CDYL2: variants seen among roughly 807,000 people sequenced by gnomAD.
CDYL2 encodes chromodomain Y-like protein 2.
In CDYL2, 23 loss-of-function variants were observed where a neutral mutation model predicts 49.4. The ratio of observed to expected loss-of-function variants is 0.47; its 90% CI spans 0.34 to 0.66. CDYL2 has a LOEUF of 0.66. Ranked by LOEUF, CDYL2 falls within the 30% of genes least tolerant of loss-of-function variation. The pLI, the probability that CDYL2 is intolerant of heterozygous loss-of-function variation, is 0.01. For missense variants in CDYL2, 678 were observed against 656.4 expected, an observed-to-expected ratio of 1.03 and a Z score of -0.36; for synonymous variants, 360 against 268.8, an observed-to-expected ratio of 1.34 and a Z score of -3.32.
At chr16:80,742,724 G>A (rs975618061) in intron 1 of CDYL2, among the ~76,000 whole-genome samples, 2 of 151,776 alleles carry the variant, frequency 1.3e-5, no homozygotes, top group Non-Finnish European at 2.9e-5. Flanking sequence ...ATGGATGGGT[G>A]ACAGGGTAGG....
rs146512564 is a variant in CDYL2, at chr16:80,606,611, C to T, written c.1362+1481G>A. 2.2e-3 allele frequency among the ~76,000 whole-genome samples: 340 copies of T among 152,294 alleles called. 1 individual carries two copies. Among genetic ancestry groups the T allele is most frequent in the African/African-American group, 7.8e-3 (326 of 41,548 alleles). ...TCTACCTGTCTCTCCATGAAGCTAACCCCAGGGTGATCAACCACCCCTGTT... is the reference window on the plus strand; with the variant it reads ...TCTACCTGTCTCTCCATGAAGCTAATCCCAGGGTGATCAACCACCCCTGTT... On this transcript the variant is annotated intron_variant, in intron 6 of 6. Transcript: ENST00000570137.
intron 2 of CDYL2, 130 bp downstream of exon 2, chr16:80,684,398 GAGAGAGATGA>G: frequency 1.3e-6 from 1 of 775,598 alleles, no homozygotes; most frequent in Non-Finnish European, 2.1e-6. Flanking sequence ...AGCTCTAGGT[GAGAGAGATGA>G]AGGGGGAATT....
intron 1 of CDYL2, among the ~76,000 whole-genome samples, chr16:80,751,599 A>G (rs990287324): frequency 6.6e-6 from 1 of 152,230 alleles, no homozygotes; most frequent in Non-Finnish European, 1.5e-5. Context: ...CTAAGACACT[A>G]TGCACGTGTT....
At chr16:80,741,880 A>G (rs1459600962) in intron 1 of CDYL2, among the ~76,000 whole-genome samples, 1 of 152,230 alleles carries the variant, frequency 6.6e-6, no homozygotes, top group Non-Finnish European at 1.5e-5. Flanking sequence ...GGCAACGCCC[A>G]TGAAAAACCT....
At chr16:80,659,093 ATGGATG>A (rs1908933738) in intron 2 of CDYL2, among the ~76,000 whole-genome samples, 4 of 144,130 alleles carry the variant, frequency 2.8e-5, no homozygotes, top group African/African-American at 1.1e-4. Context: ...GGATGGATGG[ATGGATG>A]GACAGACGGA....
chr16:80,767,870 A>G (rs1296587454), intron 1 of CDYL2, among the ~76,000 whole-genome samples: 1 of 152,226 alleles, frequency 6.6e-6, no homozygotes, highest in Non-Finnish European at 1.5e-5. Context: ...CACCTTGTTC[A>G]CTGTGCAGTG....
At chr16:80,774,024 T>C (rs1906997047) in intron 1 of CDYL2, among the ~76,000 whole-genome samples, 1 of 152,192 alleles carries the variant, frequency 6.6e-6, no homozygotes, top group Non-Finnish European at 1.5e-5. Context: ...GGCAGCGTTC[T>C]ATAAGGTGAA....
At chr16:80,650,990 T>G (rs1908559123) in intron 2 of CDYL2, among the ~76,000 whole-genome samples, 1 of 145,372 alleles carries the variant, frequency 6.9e-6, no homozygotes. Flanking sequence ...GCGGGGGAGA[T>G]GAAGTGGTTA....
intron 2 of CDYL2, among the ~76,000 whole-genome samples, chr16:80,645,210 G>A (rs1908282068): frequency 2.0e-5 from 3 of 152,158 alleles, no homozygotes; most frequent in South Asian, 2.1e-4. Context: ...GCCACCTACA[G>A]AATGGGAGAA....
At chr16:80,798,915 A>T (rs538800467) in intron 1 of CDYL2, among the ~76,000 whole-genome samples, 9 of 152,310 alleles carry the variant, frequency 5.9e-5, no homozygotes, top group African/African-American at 2.2e-4. Context: ...GATTAGTTAT[A>T]GAAAACATGG....
chr16:80,707,714 G>C (rs1384000218), intron 1 of CDYL2, among the ~76,000 whole-genome samples: 2 of 152,150 alleles, frequency 1.3e-5, no homozygotes, highest in African/African-American at 4.8e-5. Context: ...AACAGAATCT[G>C]TGTCTGTTTG....
rs763591522 is a variant in CDYL2, at chr16:80,603,721, G to A, written c.*667C>T. On this transcript the variant is annotated 3_prime_UTR_variant, in exon 7 of 7. Coordinates refer to ENST00000570137, the MANE Select transcript of CDYL2 (RefSeq NM_152342.4). The stretch of plus-strand genomic sequence containing the variant: ...AACATTTCCCTAGTAGTTTGTTTTT[G>A]CAAAACTAGCTTTACATATAATACA... 3.3e-5 allele frequency: 5 copies of A among 152,582 alleles called. No individual in the cohort carries two copies. The highest frequency in any genetic ancestry group is 5.9e-5 in the Non-Finnish European group (4 of 68,022). 9.5% of individuals were successfully genotyped at this position (152,582 alleles called of 1,614,324 possible).
intron 2 of CDYL2, chr16:80,639,640 A>G (rs1205789039): frequency 8.8e-6 from 4 of 454,184 alleles, no homozygotes; most frequent in African/African-American, 8.0e-5. Flanking sequence ...AAATACCTTC[A>G]TAAGAACAAA....
At chr16:80,688,045 T>C (rs1422994849) in intron 1 of CDYL2, among the ~76,000 whole-genome samples, 2 of 152,154 alleles carry the variant, frequency 1.3e-5, no homozygotes, top group Non-Finnish European at 2.9e-5. Context: ...CTATGCATAG[T>C]TGGGCTACAT....
chr16:80,672,150 T>G (rs144452109), intron 2 of CDYL2, among the ~76,000 whole-genome samples: 21 of 152,282 alleles, frequency 1.4e-4, no homozygotes, highest in African/African-American at 5.1e-4. Flanking sequence ...TTGGAGCATT[T>G]CAGATTTTGG....
intron 1 of CDYL2, among the ~76,000 whole-genome samples, chr16:80,697,262 G>C (rs1204721601): frequency 6.6e-6 from 1 of 152,096 alleles, no homozygotes; most frequent in Non-Finnish European, 1.5e-5. Context: ...TTCACATATG[G>C]CTCAACATAC....
chr16:80,631,588 G>T lies in CDYL2; in HGVS notation c.834+1431C>A, dbSNP rs527786530. Among the ~76,000 whole-genome samples, 23 of 152,230 alleles carry T rather than the reference G, an allele frequency of 1.5e-4. No individual in the cohort carries two copies. In the South Asian group the frequency reaches 4.8e-3, roughly 32 times the overall value. ...AATTTAAAAATTTGTTTGTCATAGGGCACTATCAAAAAAGTAAAACATCAA... is the reference window on the plus strand; with the variant it reads ...AATTTAAAAATTTGTTTGTCATAGGTCACTATCAAAAAAGTAAAACATCAA... On this transcript the variant is annotated intron_variant, in intron 3 of 6. Coordinates refer to ENST00000570137, the MANE Select transcript of CDYL2 (RefSeq NM_152342.4).
chr16:80,790,461 C>T (rs1420501833), intron 1 of CDYL2, among the ~76,000 whole-genome samples: 1 of 152,184 alleles, frequency 6.6e-6, no homozygotes. Context: ...ATCCTAAAGG[C>T]AGCTATTGTG....
chr16:80,660,347 A>C (rs776270770), intron 2 of CDYL2, among the ~76,000 whole-genome samples: 5 of 152,016 alleles, frequency 3.3e-5, no homozygotes, highest in African/African-American at 4.8e-5. Flanking sequence ...AGACATGTTC[A>C]ATGACAACTG....
Sources: gnomAD v4.1 joint callset for allele counts (sites outside exome capture counted in the v4.1 genomes callset) on GRCh38, gnomAD v4.1.1 for gene constraint, MANE v1.5 for transcripts, NCBI Gene and HGNC (gene_info 2026-07-23, HGNC 2026-07-21) for gene names.